XKR6: variants seen among roughly 807,000 people sequenced by gnomAD.
The protein encoded by XKR6 is XK-related protein 6.
A neutral mutation model predicts 56.7 loss-of-function variants in XKR6; 22 were observed. That is an observed-to-expected ratio of 0.39 (90% CI 0.28 to 0.55). XKR6 has a LOEUF of 0.55. Ranked by LOEUF, XKR6 falls within the 20% of genes least tolerant of loss-of-function variation. The pLI is 0.66. For synonymous variants in XKR6, 524 were observed against 387.8 expected (o/e 1.35, Z -4.13); for missense variants, 852 against 889.0 (o/e 0.96, Z 0.53).
chr8:10,983,827 T>G (rs910698700), intron 1 of XKR6, among the ~76,000 whole-genome samples: 1 of 152,096 alleles, frequency 6.6e-6, no homozygotes, highest in Non-Finnish European at 1.5e-5. Context: ...GGCTAATTTT[T>G]TGTATTTTTC....
chr8:11,095,897 C>G (rs934446024), intron 1 of XKR6, among the ~76,000 whole-genome samples: 1 of 152,140 alleles, frequency 6.6e-6, no homozygotes, highest in African/African-American at 2.4e-5. Flanking sequence ...CCACTGTTTT[C>G]CAATTAAGTC....
At chr8:10,904,384 G>A (rs1800126013) in intron 2 of XKR6, among the ~76,000 whole-genome samples, 1 of 152,174 alleles carries the variant, frequency 6.6e-6, no homozygotes, top group African/African-American at 2.4e-5. Context: ...GAAATGGAAC[G>A]GCCACATCTT....
chr8:11,050,512 G>A (rs1161643370), intron 1 of XKR6, among the ~76,000 whole-genome samples: 3 of 149,568 alleles, frequency 2.0e-5, no homozygotes, highest in South Asian at 2.1e-4. Flanking sequence ...CCAAATCCAA[G>A]GGACAGAAAA....
At chr8:10,912,854 G>C (rs115754400) in intron 2 of XKR6, among the ~76,000 whole-genome samples, 19 of 124,794 alleles carry the variant, frequency 1.5e-4, no homozygotes, top group Non-Finnish European at 1.2e-4. Flanking sequence ...AAAGAGATAG[G>C]GTGTGTGTAT....
chr8:11,004,533 C>T (rs1021158107), intron 1 of XKR6, among the ~76,000 whole-genome samples: 2 of 151,942 alleles, frequency 1.3e-5, no homozygotes, highest in Non-Finnish European at 2.9e-5. Context: ...GATATATTGA[C>T]CAGGTGGTTT....
intron 1 of XKR6, among the ~76,000 whole-genome samples, chr8:10,995,499 T>TATAC (rs1257218602): frequency 2.1e-5 from 3 of 140,384 alleles, no homozygotes; most frequent in Non-Finnish European, 3.1e-5. Flanking sequence ...TATATATATA[T>TATAC]ACACACACAC....
chr8:11,043,925 C>T (rs893962501), intron 1 of XKR6, among the ~76,000 whole-genome samples: 2 of 152,224 alleles, frequency 1.3e-5, no homozygotes, highest in Non-Finnish European at 2.9e-5. Context: ...AAGTCAGGCA[C>T]ACCTACACTT....
At chr8:10,904,805 G>A (rs907297324) in intron 2 of XKR6, among the ~76,000 whole-genome samples, 3 of 152,218 alleles carry the variant, frequency 2.0e-5, no homozygotes, top group Non-Finnish European at 4.4e-5. Context: ...GGAGTGCCTA[G>A]AGATGGTCAC....
rs751151988 is a variant in XKR6, at chr8:11,063,019, G to A, written c.764+137557C>T. ...GGGTTCTTGAATCCTCACATGGAATGCCAGCCACAAATTGGCATTTGGACT... is the reference window on the plus strand; with the variant it reads ...GGGTTCTTGAATCCTCACATGGAATACCAGCCACAAATTGGCATTTGGACT... On this transcript the variant is annotated intron_variant, in intron 1 of 2. Coordinates refer to ENST00000416569, the MANE Select transcript of XKR6 (RefSeq NM_173683.4). 1.0e-4 allele frequency: 36 copies of A among 357,110 alleles called. 1 individual carries two copies. Among genetic ancestry groups the A allele is most frequent in the Non-Finnish European group, 1.1e-4 (20 of 181,404 alleles). 22.1% of individuals were successfully genotyped at this position (357,110 alleles called of 1,614,324 possible). A position where few individuals can be genotyped will look rare whatever the true frequency, so the allele number is the denominator to read the frequency against.
At chr8:10,920,152 T>C (rs1800670089) in intron 2 of XKR6, among the ~76,000 whole-genome samples, 1 of 152,120 alleles carries the variant, frequency 6.6e-6, no homozygotes, top group East Asian at 1.9e-4. Flanking sequence ...CTACTAGCCC[T>C]AATGGTATAC....
chr8:10,917,399 G>A (rs1352032352), intron 2 of XKR6, among the ~76,000 whole-genome samples: 1 of 152,226 alleles, frequency 6.6e-6, no homozygotes, highest in Non-Finnish European at 1.5e-5. Flanking sequence ...ATGGTGGAGT[G>A]GGACCGTGCG....
chr8:11,107,982 AATATTAG>A (rs1798745113), intron 1 of XKR6: 12 of 318,100 alleles, frequency 3.8e-5, no homozygotes, highest in South Asian at 3.1e-4. Context: ...ACTCGGTCCC[AATATTAG>A]AGTTTCTTCA....
At chr8:11,071,973 C>T (rs559182228) in intron 1 of XKR6, among the ~76,000 whole-genome samples, 125 of 152,084 alleles carry the variant, frequency 8.2e-4, no homozygotes, top group Non-Finnish European at 3.1e-4. Flanking sequence ...GAATAATATA[C>T]AAACACACAG....
rs759978284 is a variant in XKR6 at position 10,898,279 on chromosome 8, G to A, written c.1599C>T (p.Ile533=). The A allele has an allele frequency of 1.2e-6, 2 of 1,614,144 alleles. No homozygotes were observed. The highest frequency in any genetic ancestry group is 2.7e-5 in the African/African-American group (2 of 75,038). Reference sequence around the variant, plus strand: ...TAACCTGGGTCCCCCGGTACCCAGGGATCTCAGGCGCCATGGGCTCAACAT... The same window carrying A: ...TAACCTGGGTCCCCCGGTACCCAGGAATCTCAGGCGCCATGGGCTCAACAT... ...PPDVEPMAPE[I]PGYRGTQVTP... The change falls in exon 3 of 3, where the codon ATC becomes ATT. Residue 533 remains isoleucine (I), a synonymous_variant. Coordinates refer to ENST00000416569, the MANE Select transcript of XKR6 (RefSeq NM_173683.4). The surrounding 1 kb of genome is among the most constrained non-coding windows in gnomAD (Gnocchi z 6.6).
chr8:11,006,290 T>C (rs1162570944), intron 1 of XKR6, among the ~76,000 whole-genome samples: 1 of 152,192 alleles, frequency 6.6e-6, no homozygotes, highest in African/African-American at 2.4e-5. Flanking sequence ...CACTGATTCC[T>C]TCATTCAGCG....
intron 1 of XKR6, among the ~76,000 whole-genome samples, chr8:11,071,663 T>C (rs1276241501): frequency 6.7e-6 from 1 of 150,216 alleles, no homozygotes; most frequent in African/African-American, 2.5e-5. Context: ...CCCGAGTCTA[T>C]GAGCCCCGAG....
intron 1 of XKR6, among the ~76,000 whole-genome samples, chr8:11,036,373 C>A (rs1799144171): frequency 6.6e-6 from 1 of 152,186 alleles, no homozygotes; most frequent in African/African-American, 2.4e-5. Flanking sequence ...AGCCACTGTG[C>A]CCCTATTTAA....
intron 1 of XKR6, among the ~76,000 whole-genome samples, chr8:11,057,491 G>C (rs1055340573): frequency 3.3e-5 from 5 of 152,232 alleles, no homozygotes; most frequent in African/African-American, 2.4e-5. Context: ...CCCTTGTCAA[G>C]TGCATCGTCG....
chr8:11,123,969 C>T (rs1455534397), intron 1 of XKR6: 4 of 456,072 alleles, frequency 8.8e-6, no homozygotes, highest in Admixed American at 4.7e-5. Context: ...GCTACCTGCT[C>T]AGAGGCACTG....
Sources: gnomAD v4.1 joint callset for allele counts (sites outside exome capture counted in the v4.1 genomes callset) on GRCh38, gnomAD v4.1.1 for gene constraint, Gnocchi (gnomAD v3.1) non-coding constraint, MANE v1.5 for transcripts, NCBI Gene and HGNC (gene_info 2026-07-23, HGNC 2026-07-21) for gene names.